Variants in MDM2 observed in about 807,000 individuals in gnomAD.
MDM2 encodes the protein MDM2 proto-oncogene, also known as E3 ubiquitin-protein ligase Mdm2.
Under a neutral mutation model 64.3 loss-of-function variants are expected in MDM2, and 11 were observed. The ratio of observed to expected loss-of-function variants is 0.17; its 90% CI spans 0.11 to 0.28. The LOEUF (loss-of-function observed/expected upper bound fraction) is 0.28. Among genes scored for constraint, MDM2 ranks in the 10% least tolerant of loss-of-function variants. MDM2 has a pLI of 1.00. For synonymous variants in MDM2, 194 were observed against 192.9 expected (o/e 1.01, Z -0.05); for missense variants, 388 against 577.1 (o/e 0.67, Z 3.36).
chr12:68,839,951 A>C lies in MDM2; in HGVS notation c.*102A>C. 1 of 1,032,612 alleles carries C rather than the reference A, an allele frequency of 9.7e-7. No individual in the cohort carries two copies. The highest frequency in any genetic ancestry group is 1.7e-5 in the South Asian group (1 of 58,866). 64.0% of individuals were successfully genotyped at this position (1,032,612 alleles called of 1,614,324 possible). ...ATATATCAAAGTGAGAAAATGCCTC[A>C]ATTCACATAGATTTCTTCTCTTTAG... On this transcript the variant is annotated 3_prime_UTR_variant, in exon 11 of 11. Transcript: ENST00000258149.
intron 10 of MDM2, among the ~76,000 whole-genome samples, chr12:68,837,334 A>G (rs2136172535): frequency 6.7e-6 from 1 of 150,342 alleles, no homozygotes; most frequent in Non-Finnish European, 1.5e-5. Flanking sequence ...TATTACCAAC[A>G]TTTTGCCAAC....
intron 8 of MDM2, among the ~76,000 whole-genome samples, chr12:68,832,219 G>GA (rs1323748989): frequency 1.3e-5 from 2 of 152,084 alleles, no homozygotes; most frequent in African/African-American, 2.4e-5. Context: ...ACCAGTTTGT[G>GA]AAGGGAGTTA....
intron 4 of MDM2, among the ~76,000 whole-genome samples, chr12:68,818,441 C>G (rs1430100735): frequency 1.3e-4 from 20 of 150,614 alleles, no homozygotes; most frequent in Non-Finnish European, 1.9e-4. Context: ...GTATTTTTAC[C>G]AGTCATTTGT....
At chr12:68,826,803 C>A (rs1354092453) in intron 7 of MDM2, among the ~76,000 whole-genome samples, 2 of 151,958 alleles carry the variant, frequency 1.3e-5, no homozygotes, top group Non-Finnish European at 2.9e-5. Flanking sequence ...AATTGCAGCC[C>A]GGCCAAGATC....
Position 68,844,649 on chromosome 12 carries a change from GA to G in MDM2, c.*4807del. On this transcript the variant is annotated 3_prime_UTR_variant, in exon 11 of 11. Transcript: ENST00000258149. ...GTGAGGCACAAATGTAAGTACATCA[GA>G]AAAAAACAAAAAAACTGGCTTTAAA... 1 of 225,284 alleles carries G rather than the reference GA, an allele frequency of 4.4e-6. No homozygotes were observed. The highest frequency in any genetic ancestry group is 8.8e-6 in the Non-Finnish European group (1 of 113,698). The allele number at this position is 225,284 out of a possible 1,614,324, so 14.0% of individuals were successfully genotyped here. A position where few individuals can be genotyped will look rare whatever the true frequency, so the allele number is the denominator to read the frequency against.
chr12:68,843,359 T>C lies in MDM2; in HGVS notation c.*3510T>C, dbSNP rs1271940443. The C allele has an allele frequency of 8.7e-6, 2 of 230,816 alleles. No homozygotes were observed. Among genetic ancestry groups the C allele is most frequent in the Non-Finnish European group, 1.7e-5 (2 of 116,666 alleles). The allele number at this position is 230,816 out of a possible 1,614,324, so 14.3% of individuals were successfully genotyped here. On this transcript the variant is annotated 3_prime_UTR_variant, in exon 11 of 11. Coordinates refer to ENST00000258149, the MANE Select transcript of MDM2 (RefSeq NM_002392.6). Reference sequence around the variant, plus strand: ...ATGTATTGAATGTTCTTGCTACAAATAAATGATATTTGAGCTGATGGGTGT... The same window carrying C: ...ATGTATTGAATGTTCTTGCTACAAACAAATGATATTTGAGCTGATGGGTGT...
At chr12:68,813,367 T>C (rs1330109899) in intron 2 of MDM2, among the ~76,000 whole-genome samples, 187 bp from the exon 3 acceptor site, 1 of 152,196 alleles carries the variant, frequency 6.6e-6, no homozygotes, top group South Asian at 2.1e-4. Context: ...TCTTTGCTCT[T>C]TTGGATTGGA....
chr12:68,825,094 A>T (rs1592584342), intron 7 of MDM2, among the ~76,000 whole-genome samples: 1 of 152,102 alleles, frequency 6.6e-6, no homozygotes, highest in African/African-American at 2.4e-5. Context: ...CTTGTAATCC[A>T]GCTACTCAGG....
chr12:68,824,222 A>T, intron 5 of MDM2, 141 bp from the exon 6 acceptor site: 1 of 594,832 alleles, frequency 1.7e-6, no homozygotes, highest in Admixed American at 3.4e-5. Flanking sequence ...TGAGGATGCC[A>T]CCTGGAAAAT....
intron 7 of MDM2, 77 bp from the exon 8 acceptor site, chr12:68,828,694 G>C (rs1882542825): frequency 7.7e-7 from 1 of 1,293,990 alleles, no homozygotes; most frequent in Admixed American, 2.2e-5. Context: ...CTAAGTTTCT[G>C]TACAAATAGG....
intron 1 of MDM2, chr12:68,808,907 C>T (rs1880605532): frequency 2.2e-6 from 3 of 1,360,778 alleles, no homozygotes; most frequent in Admixed American, 7.0e-5. Flanking sequence ...GTTGACTCAG[C>T]TTTTCCTCTT....
intron 4 of MDM2, among the ~76,000 whole-genome samples, chr12:68,817,845 T>C (rs1261427255): frequency 6.6e-6 from 1 of 152,162 alleles, no homozygotes; most frequent in Non-Finnish European, 1.5e-5. Flanking sequence ...TGGCCCAGGC[T>C]GGAGTGCAGT....
chr12:68,815,612 T>A, intron 3 of MDM2: 1 of 410,576 alleles, frequency 2.4e-6, no homozygotes, highest in Non-Finnish European at 4.8e-6. Flanking sequence ...TGGCTAATTT[T>A]TGTATTTTTT....
At chr12:68,833,751 G>T (rs1883093115) in intron 8 of MDM2, among the ~76,000 whole-genome samples, 1 of 152,196 alleles carries the variant, frequency 6.6e-6, no homozygotes, top group Middle Eastern at 3.4e-3. Flanking sequence ...TATAAAAGTC[G>T]ATGGGTGATG....
At chr12:68,813,716 T>C in intron 3 of MDM2, 88 bp downstream of exon 3, 1 of 881,358 alleles carries the variant, frequency 1.1e-6, no homozygotes, top group Admixed American at 2.4e-5. Context: ...AAATTGGCCA[T>C]ATAGAAGGAT....
chr12:68,835,501 A>G (rs1360341021), intron 8 of MDM2, among the ~76,000 whole-genome samples: 1 of 152,222 alleles, frequency 6.6e-6, no homozygotes, highest in Non-Finnish European at 1.5e-5. Flanking sequence ...TTTCGATGCC[A>G]AGAGGCTTTG....
At chr12:68,848,519 C>CA (rs1252658391), downstream of MDM2, 1 of 151,684 alleles carries the variant, frequency 6.6e-6, no homozygotes, top group African/African-American at 2.4e-5. Flanking sequence ...CAATAAATGG[C>CA]AAAAAAGAAG....
chr12:68,841,519 C>G lies in MDM2; in HGVS notation c.*1670C>G. Reference sequence around the variant, plus strand: ...CGTAAGACAAAACTTGTTAAAGCCTCCTGAGTCTAACCTAGATTACATCAG... The same window carrying G: ...CGTAAGACAAAACTTGTTAAAGCCTGCTGAGTCTAACCTAGATTACATCAG... On this transcript the variant is annotated 3_prime_UTR_variant, in exon 11 of 11. Coordinates refer to ENST00000258149, the MANE Select transcript of MDM2 (RefSeq NM_002392.6). 9.5e-6 allele frequency: 2 copies of G among 210,742 alleles called. No homozygotes were observed. The highest frequency in any genetic ancestry group is 1.9e-5 in the Non-Finnish European group (2 of 103,862). 13.1% of individuals were successfully genotyped at this position (210,742 alleles called of 1,614,324 possible).
chr12:68,821,558 G>A (rs997855985), intron 5 of MDM2, among the ~76,000 whole-genome samples: 1 of 151,074 alleles, frequency 6.6e-6, no homozygotes, highest in Non-Finnish European at 1.5e-5. Flanking sequence ...TCCTAACTCT[G>A]CAAAAACTAC....
Sources: gnomAD v4.1 joint callset for allele counts (sites outside exome capture counted in the v4.1 genomes callset) on GRCh38, gnomAD v4.1.1 for gene constraint, MANE v1.5 for transcripts, NCBI Gene and HGNC (gene_info 2026-07-23, HGNC 2026-07-21) for gene names.